MKS1: variants seen among roughly 807,000 people sequenced by gnomAD.
MKS1 encodes the protein MKS transition zone complex subunit 1.
A neutral mutation model predicts 83.7 loss-of-function variants in MKS1; 70 were observed. The ratio of observed to expected loss-of-function variants is 0.84; its 90% CI spans 0.69 to 1.02. The LOEUF is 1.02. Among genes scored for constraint, MKS1 ranks in the 50% least tolerant of loss-of-function variants. The pLI, the probability that MKS1 is intolerant of heterozygous loss-of-function variation, is 0.00. For missense variants in MKS1, 681 were observed against 726.9 expected (o/e 0.94, Z 0.73); for synonymous variants, 251 against 273.4 (o/e 0.92, Z 0.81).
chr17:58,216,354 T>G (rs1969215651), intron 3 of MKS1, 111 bp from the exon 4 acceptor site: 1 of 1,242,164 alleles, frequency 8.1e-7, no homozygotes, highest in Non-Finnish European at 1.2e-6. Context: ...CTATCTGACA[T>G]GTTTTCATAA....
intron 2 of MKS1, 154 bp downstream of exon 2, chr17:58,218,447 CAAAAAAAAAAAAAAAAAAA>C (rs67834721): frequency 2.7e-4 from 65 of 242,396 alleles, no homozygotes; most frequent in Middle Eastern, 1.5e-3. Flanking sequence ...GACTCCGTCT[CAAAAAAAAAAAAAAAAAAA>C]AAAAAAAAAA....
Position 58,207,935 on chromosome 17 carries a change from C to G in MKS1, c.1232G>C (p.Arg411Pro), listed in dbSNP as rs200679238. 14 of 1,613,990 alleles carry G rather than the reference C, an allele frequency of 8.7e-6. No homozygotes were observed. In the African/African-American group the frequency reaches 1.6e-4, roughly 18 times the overall value. Residue 411 changes from arginine to proline, a missense_variant, in exon 14 of 18, where the codon CGT (arginine) becomes CCT (proline). Arg to Pro is a moderately radical substitution (Grantham distance 103). Coordinates refer to ENST00000393119, the MANE Select transcript of MKS1 (RefSeq NM_017777.4). ...CACCACAGCCCCATAGCCTTCCACA[C>G]GGTACCTCTGCCAGAAGTCCAGCGA... Reference protein sequence around the residue: ...VLSLDFWQRYRVEGYGAVVLP... With the variant: ...VLSLDFWQRYPVEGYGAVVLP...
chr17:58,206,245 T>C (rs747736711), intron 17 of MKS1, 38 bp downstream of exon 17: 2 of 1,613,386 alleles, frequency 1.2e-6, no homozygotes, highest in African/African-American at 2.7e-5. Context: ...AACAGGCCCA[T>C]GCTGACCTGG....
intron 4 of MKS1, chr17:58,215,040 G>A: frequency 1.3e-6 from 1 of 741,164 alleles, no homozygotes; most frequent in South Asian, 1.8e-5. Context: ...GTTTGCCTTT[G>A]GATTTTAAAA....
rs1969017980 is a variant in MKS1, at chr17:58,213,724, A to G, written c.749+41T>C. 2.0e-6 allele frequency: 3 copies of G among 1,475,120 alleles called. No individual in the cohort carries two copies. The East Asian group carries it at 6.8e-5, about 33-fold the overall frequency. 91.4% of individuals were successfully genotyped at this position (1,475,120 alleles called of 1,614,324 possible). On this transcript the variant is annotated intron_variant, in intron 7 of 17. Transcript: ENST00000393119. ...AGGGACAAAAAGTGCAACCAAGGGA[A>G]GGAATGCCAGTCTCCACTACCCCTT...
rs765793774 is a variant in MKS1, at chr17:58,212,397, A to G, written c.896T>C (p.Val299Ala). 26 of 1,614,116 alleles carry G rather than the reference A, an allele frequency of 1.6e-5. No individual in the cohort carries two copies. Among genetic ancestry groups the G allele is most frequent in the Non-Finnish European group, 2.1e-5 (25 of 1,180,050 alleles). ...GRHKEYLSSLVGTDFEMTVPG... is the reference protein window; with the variant it reads ...GRHKEYLSSLAGTDFEMTVPG... Reference sequence around the variant, plus strand: ...ACTCACCATCTCAAAGTCGGTGCCTACGAGGCTGCTGAGATACTCCTTGTG... The same window carrying G: ...ACTCACCATCTCAAAGTCGGTGCCTGCGAGGCTGCTGAGATACTCCTTGTG... Residue 299 changes from valine to alanine, a missense_variant, in exon 9 of 18, where the codon GTA becomes GCA. Val to Ala is a moderately conservative substitution (Grantham distance 64, BLOSUM62 0). Transcript: ENST00000393119.
intron 17 of MKS1, 21 bp from the exon 18 acceptor site, chr17:58,206,191 C>T (rs779522155): frequency 6.2e-6 from 10 of 1,614,060 alleles, no homozygotes; most frequent in Non-Finnish European, 8.5e-7. Context: ...AGGAGATATG[C>T]TATTTGGCTG....
intron 15 of MKS1, 173 bp downstream of exon 15, chr17:58,206,912 G>C (rs1968546382): frequency 3.5e-6 from 3 of 869,498 alleles, no homozygotes; most frequent in Non-Finnish European, 5.6e-6. Flanking sequence ...TAGCAGTGTA[G>C]ATATTGGAAC....
intron 12 of MKS1, 74 bp downstream of exon 12, chr17:58,208,439 C>T: frequency 6.5e-7 from 1 of 1,549,042 alleles, no homozygotes; most frequent in Non-Finnish European, 8.9e-7. Flanking sequence ...CAGCACTTGG[C>T]CTGATAAAAC....
chr17:58,217,144 C>T (rs1969266947), intron 2 of MKS1, among the ~76,000 whole-genome samples: 1 of 152,188 alleles, frequency 6.6e-6, no homozygotes, highest in African/African-American at 2.4e-5. Context: ...CACACACCAC[C>T]AACCCAGCTA....
At chr17:58,206,428 G>T in intron 16 of MKS1, 37 bp downstream of exon 16, 1 of 1,614,052 alleles carries the variant, frequency 6.2e-7, no homozygotes, top group Non-Finnish European at 8.5e-7. Flanking sequence ...ACCCCTCAGG[G>T]CTAAGGTGCC....
At chr17:58,216,590 T>C (rs1567805986) in intron 3 of MKS1, 76 bp downstream of exon 3, 3 of 1,482,294 alleles carry the variant, frequency 2.0e-6, no homozygotes, top group South Asian at 2.3e-5. Context: ...GGAAATCACT[T>C]TGGCAATATG....
rs1968516212 is a variant in MKS1, at chr17:58,206,466, T to C, written c.1489A>G (p.Arg497Gly). 6.2e-7 allele frequency: 1 copy of C among 1,614,040 alleles called. No homozygotes were observed. The highest frequency in any genetic ancestry group is 8.5e-7 in the Non-Finnish European group (1 of 1,180,016). Residue 497 changes from arginine to glycine, a missense_variant and splice_region_variant, in exon 16 of 18, where the codon AGG becomes GGG. Around this residue, in one of 3 missense-constraint regions of MKS1, gnomAD observed 310 missense variants for 321.7 expected, o/e 0.96. Transcript: ENST00000393119. ...TFRLHCLQQS[R>G]AFMESSSLQK... The stretch of plus-strand genomic sequence containing the variant: ...GAGGCAGAGGGCCAAGTCACTCACC[T>C]GGACTGCTGCAGACAGTGCAAGCGG...
chr17:58,213,866 A>C lies in MKS1; in HGVS notation c.648T>G (p.Leu216=), dbSNP rs769659359. 1 of 1,613,134 alleles carries C rather than the reference A, an allele frequency of 6.2e-7. No homozygotes were observed. Among genetic ancestry groups the C allele is most frequent in the Non-Finnish European group, 8.5e-7 (1 of 1,179,080 alleles). Residue 216 remains leucine, a synonymous_variant, in exon 7 of 18, where the codon CTT becomes CTG. Transcript: ENST00000393119. ...GGACATGTTCATACTTCTTATAGCC[A>C]AGCCTAGAAATCAGGAAAACACCAA... is the stretch of plus-strand genomic sequence containing the variant. ...IMADLGPYKK[L]GYKKYEHVLC...
chr17:58,207,877 C>A lies in MKS1; in HGVS notation c.1273+17G>T. Reference sequence around the variant, plus strand: ...CTAGGGCATGTGGGCCACAGAAGGGCAGAGACGAGCGGTTACCTGGAGTGG... The same window carrying A: ...CTAGGGCATGTGGGCCACAGAAGGGAAGAGACGAGCGGTTACCTGGAGTGG... On this transcript the variant is annotated intron_variant, in intron 14 of 17. Coordinates refer to ENST00000393119, the MANE Select transcript of MKS1 (RefSeq NM_017777.4). 6.2e-7 allele frequency: 1 copy of A among 1,606,304 alleles called. No individual in the cohort carries two copies. The highest frequency in any genetic ancestry group is 2.2e-5 in the East Asian group (1 of 44,826).
In MKS1 at chr17:58,209,093, C is replaced by T. The variant is rs917425820; in HGVS notation, c.1025-510G>A. On this transcript the variant is annotated intron_variant, in intron 11 of 17. Coordinates refer to ENST00000393119, the MANE Select transcript of MKS1 (RefSeq NM_017777.4). This position sits in a 1 kb window ranked among gnomAD's most constrained non-coding sequence, Gnocchi z 4.1. ...TACACAGACACAGTAACAATCTGATCTCTCTTTCTTTTCCCCACATTTCCC... is the reference window on the plus strand; with the variant it reads ...TACACAGACACAGTAACAATCTGATTTCTCTTTCTTTTCCCCACATTTCCC... 6.6e-6 allele frequency among the ~76,000 whole-genome samples: 1 copy of T among 152,108 alleles called. No individual in the cohort carries two copies. Among genetic ancestry groups the T allele is most frequent in the Non-Finnish European group, 1.5e-5 (1 of 68,022 alleles).
At chr17:58,210,930 T>C in intron 10 of MKS1, 50 bp downstream of exon 10, 1 of 1,588,520 alleles carries the variant, frequency 6.3e-7, no homozygotes, top group Non-Finnish European at 8.6e-7. Flanking sequence ...CACAGCTCCA[T>C]CTAGGCACGT....
intron 12 of MKS1, 63 bp downstream of exon 12, chr17:58,208,450 C>T (rs992699544): frequency 4.8e-5 from 76 of 1,586,810 alleles, no homozygotes; most frequent in Admixed American, 6.7e-5. Context: ...CTGATAAAAC[C>T]TCAAATGCCA....
chr17:58,210,931 C>T, intron 10 of MKS1, 49 bp downstream of exon 10: 1 of 1,590,842 alleles, frequency 6.3e-7, no homozygotes, highest in Non-Finnish European at 8.6e-7. Context: ...ACAGCTCCAT[C>T]TAGGCACGTG....
Sources: gnomAD v4.1 joint callset for allele counts (sites outside exome capture counted in the v4.1 genomes callset) on GRCh38, gnomAD v4.1.1 for gene constraint, gnomAD v4.1.1 regional missense constraint, Gnocchi (gnomAD v3.1) non-coding constraint, MANE v1.5 for transcripts, NCBI Gene and HGNC (gene_info 2026-07-23, HGNC 2026-07-21) for gene names.